ABI2: variants seen among roughly 807,000 people sequenced by gnomAD.
ABI2 encodes the protein abl interactor 2, also known as abelson interactor 2.
Under a neutral mutation model 59.2 loss-of-function variants are expected in ABI2, and 25 were observed. The ratio of observed to expected loss-of-function variants is 0.42; its 90% CI spans 0.31 to 0.59. ABI2 has a LOEUF of 0.59. ABI2 is among the 20% of genes least tolerant of loss of function. ABI2 has a pLI of 0.14. For synonymous variants in ABI2, 213 were observed against 235.5 expected, an observed-to-expected ratio of 0.90 and a Z score of 0.87; for missense variants, 545 against 681.8, an observed-to-expected ratio of 0.80 and a Z score of 2.23.
intron 9 of ABI2, chr2:203,403,435 C>T (rs1269310449): frequency 1.3e-5 from 2 of 154,670 alleles, no homozygotes; most frequent in South Asian, 4.1e-4. Flanking sequence ...ACCTCTCATA[C>T]TGGGTTCAAC....
At position 203,402,733 on chromosome 2, in the gene ABI2, A is replaced by C; in HGVS notation, c.1191A>C (p.Pro397=). ...MNGGPFYSQN[P]VSLAPPPPSI... is the part of the protein sequence containing the mutation. ...GAGGACCTTTTTATAGCCAGAATCC[A>C]GGTTAGTTTTTTTGTTTTTTTGCAT... The change falls in exon 9 of 12, where the codon CCA becomes CCC. Residue 397 remains proline (P), a splice_region_variant and synonymous_variant. Transcript: ENST00000261018. The C allele has an allele frequency of 6.4e-7, 1 of 1,560,158 alleles. No homozygotes were observed. Among genetic ancestry groups the C allele is most frequent in the South Asian group, 1.2e-5 (1 of 80,924 alleles).
At chr2:203,336,225 C>T (rs2076374719) in intron 1 of ABI2, among the ~76,000 whole-genome samples, 1 of 152,128 alleles carries the variant, frequency 6.6e-6, no homozygotes. Context: ...TGGATTGTTT[C>T]TAGTTTTAGG....
In ABI2 at chr2:203,429,367, CTG is replaced by C. The variant is rs1334160808; in HGVS notation, c.*2017_*2018del. The C allele has an allele frequency of 3.3e-5, 5 of 152,200 alleles. No homozygotes were observed. Among genetic ancestry groups the C allele is most frequent in the African/African-American group, 9.7e-5 (4 of 41,442 alleles). 9.4% of individuals were successfully genotyped at this position (152,200 alleles called of 1,614,324 possible). A position where few individuals can be genotyped will look rare whatever the true frequency, so the allele number is the denominator to read the frequency against. On this transcript the variant is annotated 3_prime_UTR_variant, in exon 12 of 12. Coordinates refer to ENST00000261018, the MANE Select transcript of ABI2 (RefSeq NM_001375670.1). The stretch of plus-strand genomic sequence containing the variant: ...GTGTACTGGTCTATAATTAGAAAAA[CTG>C]TTTTAAATTAGATGTTCCCATTATT...
intron 1 of ABI2, among the ~76,000 whole-genome samples, chr2:203,350,264 A>G (rs764888529): frequency 1.2e-4 from 19 of 152,068 alleles, no homozygotes; most frequent in Non-Finnish European, 2.5e-4. Context: ...TTTAGTAGAG[A>G]CGAGGTTTCA....
chr2:203,328,873 C>G, intron 1 of ABI2: 2 of 309,044 alleles, frequency 6.5e-6, no homozygotes, highest in Non-Finnish European at 1.2e-5. Flanking sequence ...TGTCGCGTCC[C>G]GCCTCCTCGC....
intron 4 of ABI2, chr2:203,386,515 C>A: frequency 2.9e-6 from 2 of 681,260 alleles, no homozygotes; most frequent in Non-Finnish European, 3.5e-6. Context: ...TAAAACTTAA[C>A]AAGTTTAAGA....
At chr2:203,355,187 C>T in intron 1 of ABI2, 1 of 411,484 alleles carries the variant, frequency 2.4e-6, no homozygotes, top group South Asian at 1.8e-5. Flanking sequence ...TCCTCTGGTG[C>T]TTCCTGACAA....
chr2:203,382,342 A>G, intron 4 of ABI2, 136 bp downstream of exon 4: 2 of 801,310 alleles, frequency 2.5e-6, no homozygotes, highest in East Asian at 2.8e-5. Flanking sequence ...ATTTTTTGTC[A>G]TGCAACTTTG....
rs1012838365 is a variant in ABI2, at chr2:203,429,219, G to C, written c.*1867G>C. ...TACATTCCACTTCGTGCTTTTCTTA[G>C]GTCATTTCTACATCCCTTATTCCTT... On this transcript the variant is annotated 3_prime_UTR_variant, in exon 12 of 12. Transcript: ENST00000261018. 1.3e-5 allele frequency: 2 copies of C among 152,080 alleles called. No homozygotes were observed. Among genetic ancestry groups the C allele is most frequent in the African/African-American group, 4.8e-5 (2 of 41,410 alleles). 9.4% of individuals were successfully genotyped at this position (152,080 alleles called of 1,614,324 possible).
At chr2:203,423,731 C>G (rs2098320306) in intron 11 of ABI2, among the ~76,000 whole-genome samples, 1 of 152,088 alleles carries the variant, frequency 6.6e-6, no homozygotes, top group Non-Finnish European at 1.5e-5. Context: ...CAATCTGGGT[C>G]CTTTTCTGCT....
In ABI2 at chr2:203,411,306, C is replaced by T; in HGVS notation, c.1214C>T (p.Pro405Leu). ...QNPVSLAPPP[P>L]SILQVTPQLP... is the part of the protein sequence containing the mutation. ...GCAGTATCTCTTGCTCCTCCTCCTC[C>T]CTCCATCCTACAGGTAACTCCTCAG... The change falls in exon 10 of 12, where the codon CCC (proline) becomes CTC (leucine). Residue 405 changes from proline (P) to leucine (L), a missense_variant. Pro to Leu is a moderately conservative substitution (Grantham distance 98). Transcript: ENST00000261018. The T allele has an allele frequency of 6.2e-7, 1 of 1,613,762 alleles. No homozygotes were observed. The highest frequency in any genetic ancestry group is 8.5e-7 in the Non-Finnish European group (1 of 1,179,786).
intron 4 of ABI2, among the ~76,000 whole-genome samples, chr2:203,388,513 T>C (rs887007997): frequency 6.6e-6 from 1 of 151,792 alleles, no homozygotes; most frequent in African/African-American, 2.4e-5. Context: ...CGAAACCCCA[T>C]CTCTACTAAA....
At chr2:203,415,561 G>A (rs371263753) in intron 10 of ABI2, among the ~76,000 whole-genome samples, 1 of 134,524 alleles carries the variant, frequency 7.4e-6, no homozygotes, top group African/African-American at 2.8e-5. Flanking sequence ...AGCTTGCAAT[G>A]AGCCGAGATC....
chr2:203,356,941 G>A (rs1035346396), intron 1 of ABI2, among the ~76,000 whole-genome samples: 5 of 152,038 alleles, frequency 3.3e-5, no homozygotes, highest in African/African-American at 1.2e-4. Flanking sequence ...TTTTTTGTGG[G>A]GGAGGGAATG....
intron 2 of ABI2, among the ~76,000 whole-genome samples, chr2:203,368,112 T>C (rs2094659076): frequency 6.6e-6 from 1 of 152,210 alleles, no homozygotes; most frequent in Non-Finnish European, 1.5e-5. Flanking sequence ...AAACATAATC[T>C]CTTGATGTTG....
chr2:203,406,010 T>G (rs1477548027), intron 9 of ABI2, among the ~76,000 whole-genome samples: 3 of 152,230 alleles, frequency 2.0e-5, no homozygotes, highest in Non-Finnish European at 2.9e-5. Context: ...AGGAACCCTT[T>G]GATCAGGGCA....
chr2:203,393,092 G>A (rs1179603934), intron 5 of ABI2, among the ~76,000 whole-genome samples: 1 of 152,160 alleles, frequency 6.6e-6, no homozygotes, highest in African/African-American at 2.4e-5. Flanking sequence ...CTGGAGTGCG[G>A]TTGTACAATA....
intron 1 of ABI2, among the ~76,000 whole-genome samples, chr2:203,363,100 G>C (rs2093763512): frequency 6.6e-6 from 1 of 151,952 alleles, no homozygotes. Flanking sequence ...CAAACTTTTG[G>C]GATTACAGGT....
rs180805182 is a variant in ABI2, at chr2:203,412,370, T to C, written c.1279+999T>C. ...TTTTCTGCTTCTGTAGCTGACCAAA[T>C]GCCCCCCTTTTATCAGCACATTCTT... On this transcript the variant is annotated intron_variant, in intron 10 of 11. Coordinates refer to ENST00000261018, the MANE Select transcript of ABI2 (RefSeq NM_001375670.1). 4.4e-3 allele frequency among the ~76,000 whole-genome samples: 677 copies of C among 152,314 alleles called. 10 individuals are homozygous for C. Among genetic ancestry groups the C allele is most frequent in the Admixed American group, 7.6e-3 (117 of 15,300 alleles).
Sources: allele counts gnomAD v4.1 joint callset (sites outside exome capture counted in the v4.1 genomes callset), GRCh38; gene constraint gnomAD v4.1.1; transcripts MANE v1.5; gene names NCBI Gene and HGNC (gene_info 2026-07-23, HGNC 2026-07-21).